The following SYT1 variants were observed in gnomAD, a reference collection of about 807,000 sequenced individuals.
The protein encoded by SYT1 is synaptotagmin-1.
SYT1 carries 8 observed loss-of-function variants against 44.8 expected under a neutral mutation model. The ratio of observed to expected loss-of-function variants is 0.18; its 90% CI spans 0.10 to 0.32. SYT1 has a LOEUF of 0.32. SYT1 is among the 10% of genes least tolerant of loss of function. The pLI is 1.00. For synonymous variants in SYT1, 154 were observed against 188.8 expected, an observed-to-expected ratio of 0.82 and a Z score of 1.51; for missense variants, 286 against 509.3, an observed-to-expected ratio of 0.56 and a Z score of 4.22.
intron 1 of SYT1, among the ~76,000 whole-genome samples, chr12:78,967,197 G>A (rs373867527): frequency 6.6e-6 from 1 of 152,150 alleles, no homozygotes; most frequent in African/African-American, 2.4e-5. Context: ...TATCATTTGT[G>A]CCCTTGAGGA....
chr12:78,985,075 T>C (rs1233822600), intron 2 of SYT1, among the ~76,000 whole-genome samples: 1 of 151,754 alleles, frequency 6.6e-6, no homozygotes, highest in African/African-American at 2.4e-5. Flanking sequence ...TTACTGAAAT[T>C]GTAGGAAAGA....
intron 3 of SYT1, among the ~76,000 whole-genome samples, chr12:79,130,674 A>G (rs1400104927): frequency 6.6e-6 from 1 of 152,202 alleles, no homozygotes; most frequent in Non-Finnish European, 1.5e-5. Flanking sequence ...GGGCCATGCC[A>G]TAATTACCCG....
In SYT1 at chr12:79,058,269, C is replaced by T. The variant is rs1358372580; in HGVS notation, c.-18+10907C>T. ...ACACAAAAAAACCTGTGAAAACCCACAGCTTATGCTAAATGACAATATTTT... is the reference window on the plus strand; with the variant it reads ...ACACAAAAAAACCTGTGAAAACCCATAGCTTATGCTAAATGACAATATTTT... On this transcript the variant is annotated intron_variant, in intron 3 of 10. Transcript: ENST00000261205. Among the ~76,000 whole-genome samples, 6 of 152,224 alleles carry T rather than the reference C, an allele frequency of 3.9e-5. No homozygotes were observed. The East Asian group carries it at 7.7e-4, about 20-fold the overall frequency.
chr12:79,179,405 G>GATATATCC lies in SYT1; in HGVS notation c.-17-38093_-17-38092insTCCATATA, dbSNP rs1565842104. The stretch of plus-strand genomic sequence containing the variant: ...ATATATCGATATAGATATCCATATA[G>GATATATCC]ATATAGATATAGATATATCTATATA... On this transcript the variant is annotated intron_variant, in intron 3 of 10. Transcript: ENST00000261205. 1.2e-4 allele frequency among the ~76,000 whole-genome samples: 15 copies of GATATATCC among 128,416 alleles called. 2 individuals carry two copies. Among genetic ancestry groups the GATATATCC allele is most frequent in the African/African-American group, 4.4e-4 (14 of 31,716 alleles). 84.2% of individuals were successfully genotyped at this position (128,416 alleles called of 152,430 possible).
At chr12:79,022,113 G>T (rs1233775275) in intron 2 of SYT1, among the ~76,000 whole-genome samples, 1 of 151,606 alleles carries the variant, frequency 6.6e-6, no homozygotes, top group Non-Finnish European at 1.5e-5. Context: ...AAAAAAAAGA[G>T]GAAACTTACT....
At chr12:79,225,879 ATT>A (rs1484737417) in intron 4 of SYT1, among the ~76,000 whole-genome samples, 1 of 152,158 alleles carries the variant, frequency 6.6e-6, no homozygotes, top group Non-Finnish European at 1.5e-5. Flanking sequence ...CTTTGCCAGT[ATT>A]TCCTGTCCCC....
chr12:79,360,391 T>C (rs1367781736), intron 9 of SYT1, among the ~76,000 whole-genome samples: 1 of 152,238 alleles, frequency 6.6e-6, no homozygotes, highest in Non-Finnish European at 1.5e-5. Context: ...AATAGATGTT[T>C]CCTTTGTACA....
intron 9 of SYT1, among the ~76,000 whole-genome samples, chr12:79,390,519 CT>C (rs578135213): frequency 2.0e-5 from 3 of 150,898 alleles, no homozygotes; most frequent in South Asian, 2.1e-4. Flanking sequence ...CCTCTTTTAG[CT>C]TTTTTTTTAT....
rs148889771 is a variant in SYT1 at position 78,924,158 on chromosome 12, C to T, written c.-216-53641C>T. ...CAATACCACAGAAGTGATGATGTGTCTTTTGCAATGCATCATATCAGAAGG... is the reference window on the plus strand; with the variant it reads ...CAATACCACAGAAGTGATGATGTGTTTTTTGCAATGCATCATATCAGAAGG... On this transcript the variant is annotated intron_variant, in intron 1 of 10. Coordinates refer to ENST00000261205, the MANE Select transcript of SYT1 (RefSeq NM_005639.3). Among the ~76,000 whole-genome samples, 16 of 151,994 alleles carry T rather than the reference C, an allele frequency of 1.1e-4. No individual in the cohort carries two copies. The East Asian group carries it at 1.9e-3, about 18-fold the overall frequency.
At chr12:79,011,657 T>TAAAAA (rs11289217) in intron 2 of SYT1, among the ~76,000 whole-genome samples, 1 of 108,188 alleles carries the variant, frequency 9.2e-6, no homozygotes, top group Non-Finnish European at 1.9e-5. Context: ...CAGAGATTTG[T>TAAAAA]AAAAAAAAAA....
chr12:79,416,816 A>G (rs1593048553), intron 9 of SYT1, among the ~76,000 whole-genome samples: 1 of 152,328 alleles, frequency 6.6e-6, no homozygotes, highest in East Asian at 1.9e-4. Context: ...TACACTATTG[A>G]TAAAGAAAGA....
At chr12:79,260,087 T>TCAGACAA (rs1877748128) in intron 4 of SYT1, among the ~76,000 whole-genome samples, 1 of 152,222 alleles carries the variant, frequency 6.6e-6, no homozygotes, top group South Asian at 2.1e-4. Flanking sequence ...TGGAGAGTAT[T>TCAGACAA]GTATTCTAAA....
Position 78,875,865 on chromosome 12 carries a change from C to T in SYT1, c.-217+10756C>T, listed in dbSNP as rs530481903. On this transcript the variant is annotated intron_variant, in intron 1 of 10. Transcript: ENST00000261205. ...AGTTTTATCTTCGGAAGAGTAGCTG[C>T]TTTTCTTTTATTCTGTATATTCCTC... Among the ~76,000 whole-genome samples the T allele has an allele frequency of 4.6e-5, 7 of 151,636 alleles. No individual in the cohort carries two copies. In the East Asian group the frequency reaches 9.7e-4, roughly 21 times the overall value.
chr12:78,996,497 G>A (rs1870390536), intron 2 of SYT1, among the ~76,000 whole-genome samples: 1 of 152,122 alleles, frequency 6.6e-6, no homozygotes, highest in Admixed American at 6.5e-5. Context: ...AAAGCCGTGG[G>A]GAAGAGCTTT....
intron 8 of SYT1, among the ~76,000 whole-genome samples, chr12:79,350,908 T>C (rs1029158505): frequency 6.6e-6 from 1 of 152,198 alleles, no homozygotes; most frequent in Non-Finnish European, 1.5e-5. Flanking sequence ...AAGGACTAGC[T>C]TTCAAATATC....
Position 79,235,114 on chromosome 12 carries a change from A to G in SYT1, c.166+17429A>G, listed in dbSNP as rs1194305783. On this transcript the variant is annotated intron_variant, in intron 4 of 10. Transcript: ENST00000261205. ...CGTTTCTCTTAGGAAGTGCCTAAGT[A>G]TAGAATTACTATGTCTGGTAGTACA... 2.6e-5 allele frequency among the ~76,000 whole-genome samples: 4 copies of G among 152,214 alleles called. No homozygotes were observed. In the East Asian group the frequency reaches 7.7e-4, roughly 29 times the overall value.
chr12:78,936,220 T>C (rs1016892297), intron 1 of SYT1, among the ~76,000 whole-genome samples: 4 of 152,052 alleles, frequency 2.6e-5, no homozygotes, highest in Non-Finnish European at 4.4e-5. Flanking sequence ...AAATATCATA[T>C]ATTTGGGAAT....
At chr12:79,337,088 G>GCC (rs113489121) in intron 8 of SYT1, among the ~76,000 whole-genome samples, 1 of 151,922 alleles carries the variant, frequency 6.6e-6, no homozygotes, top group African/African-American at 2.4e-5. Context: ...CCAGTGTTGG[G>GCC]ACCCCTTGGC....
intron 2 of SYT1, among the ~76,000 whole-genome samples, chr12:78,990,677 A>G (rs754277645): frequency 1.3e-5 from 2 of 152,168 alleles, no homozygotes; most frequent in Non-Finnish European, 2.9e-5. Flanking sequence ...TTTTGTTCAC[A>G]TATCTTATGT....
Sources: allele counts gnomAD v4.1 joint callset (sites outside exome capture counted in the v4.1 genomes callset), GRCh38; gene constraint gnomAD v4.1.1; transcripts MANE v1.5; gene names NCBI Gene and HGNC (gene_info 2026-07-23, HGNC 2026-07-21).